Variants in TBC1D19 observed in about 807,000 individuals in gnomAD.
TBC1D19 encodes the protein TBC1 domain family, member 19.
TBC1D19 carries 60 observed loss-of-function variants against 89.0 expected under a neutral mutation model. That is an observed-to-expected ratio of 0.67 (90% CI 0.55 to 0.84). TBC1D19 has a LOEUF of 0.84. TBC1D19 is among the 40% of genes least tolerant of loss of function. TBC1D19 has a pLI of 0.00. For synonymous variants in TBC1D19, 189 were observed against 199.7 expected (o/e 0.95, Z 0.45); for missense variants, 500 against 610.8 (o/e 0.82, Z 1.91).
the TBC1D19 span, among the ~76,000 whole-genome samples, chr4:26,812,078 C>T: frequency 6.6e-6 from 1 of 152,240 alleles, no homozygotes; most frequent in South Asian, 2.1e-4. The surrounding 1 kb of genome is among the most constrained non-coding windows in gnomAD (Gnocchi z 4.2). Flanking sequence ...GCCCTGAGCA[C>T]AAATGTCCTG....
chr4:26,631,109 C>T (rs1265009494), intron 4 of TBC1D19, among the ~76,000 whole-genome samples: 1 of 152,046 alleles, frequency 6.6e-6, no homozygotes, highest in Non-Finnish European at 1.5e-5. Context: ...GACCTCTCCA[C>T]CTTGACATAG....
chr4:26,720,221 C>A, intron 15 of TBC1D19, 96 bp downstream of exon 15: 1 of 854,594 alleles, frequency 1.2e-6, no homozygotes, highest in Non-Finnish European at 1.8e-6. Flanking sequence ...AATGGATAAT[C>A]ATTTATTATC....
the TBC1D19 span, among the ~76,000 whole-genome samples, chr4:26,837,220 A>G: frequency 1.3e-5 from 2 of 152,220 alleles, no homozygotes; most frequent in African/African-American, 4.8e-5. Context: ...CTGGGTGGAA[A>G]AGTTTGTACT....
rs146506259 is a variant in TBC1D19 at position 26,692,052 on chromosome 4, G to A, written c.954+3645G>A. 8.8e-3 allele frequency among the ~76,000 whole-genome samples: 1,344 copies of A among 152,140 alleles called. 17 individuals carry two copies. The highest frequency in any genetic ancestry group is 0.03 in the African/African-American group (1,239 of 41,496). ...TATTTGAGAAAAGCTACTAAATCTC[G>A]GTAAAAATAATTTGTGGCCCTTGAG... On this transcript the variant is annotated intron_variant, in intron 13 of 20. Coordinates refer to ENST00000264866, the MANE Select transcript of TBC1D19 (RefSeq NM_018317.4).
intron 14 of TBC1D19, among the ~76,000 whole-genome samples, chr4:26,719,155 C>T (rs1368438320): frequency 6.6e-6 from 1 of 152,070 alleles, no homozygotes; most frequent in Non-Finnish European, 1.5e-5. Context: ...CTATAAACCA[C>T]ATGGTTGAGA....
chr4:26,782,739 T>G, the TBC1D19 span, among the ~76,000 whole-genome samples: 1 of 151,116 alleles, frequency 6.6e-6, no homozygotes. Flanking sequence ...AACATTGACT[T>G]TTTTTTTAAT....
At chr4:26,757,562 G>A (rs2109342641), downstream of TBC1D19, among the ~76,000 whole-genome samples, 1 of 152,312 alleles carries the variant, frequency 6.6e-6, no homozygotes, top group Non-Finnish European at 1.5e-5. Context: ...TAGTATAGAA[G>A]AGTTTATTGA....
chr4:26,741,542 A>G (rs1398307841), intron 17 of TBC1D19, among the ~76,000 whole-genome samples: 1 of 151,592 alleles, frequency 6.6e-6, no homozygotes, highest in Non-Finnish European at 1.5e-5. Flanking sequence ...GCACTGGGCA[A>G]CTCTGGGTAT....
chr4:26,590,262 T>A (rs1177243355), intron 1 of TBC1D19, among the ~76,000 whole-genome samples: 1 of 152,192 alleles, frequency 6.6e-6, no homozygotes, highest in Admixed American at 6.5e-5. Flanking sequence ...AATGTATGAT[T>A]TTTGAATATT....
the TBC1D19 span, among the ~76,000 whole-genome samples, chr4:26,790,070 C>A: frequency 6.6e-6 from 1 of 152,176 alleles, no homozygotes; most frequent in Admixed American, 6.6e-5. Context: ...TGAGAAATTT[C>A]TTAATGAGTA....
At chr4:26,826,757 G>A in the TBC1D19 span, among the ~76,000 whole-genome samples, 1 of 152,234 alleles carries the variant, frequency 6.6e-6, no homozygotes, top group Non-Finnish European at 1.5e-5. Flanking sequence ...TTAACTTCAT[G>A]AGGGTTACTG....
chr4:26,683,358 A>T (rs2109141709), intron 11 of TBC1D19, among the ~76,000 whole-genome samples: 1 of 152,322 alleles, frequency 6.6e-6, no homozygotes, highest in Non-Finnish European at 1.5e-5. Flanking sequence ...TAAATGAGTT[A>T]ACTCTTGTAA....
intron 7 of TBC1D19, among the ~76,000 whole-genome samples, chr4:26,641,372 T>C (rs1177999798): frequency 6.6e-6 from 1 of 152,158 alleles, no homozygotes; most frequent in Non-Finnish European, 1.5e-5. Flanking sequence ...CAGAAAGGAA[T>C]AGCATCAACA....
intron 6 of TBC1D19, among the ~76,000 whole-genome samples, chr4:26,639,514 A>G (rs1165124610): frequency 6.6e-6 from 1 of 152,186 alleles, no homozygotes; most frequent in Non-Finnish European, 1.5e-5. Context: ...AGTGAAAAAT[A>G]CGTTTGAAGA....
At chr4:26,753,164 A>C (rs1431934330) in intron 19 of TBC1D19, among the ~76,000 whole-genome samples, 1 of 152,236 alleles carries the variant, frequency 6.6e-6, no homozygotes, top group Non-Finnish European at 1.5e-5. Context: ...ATAACAAAAA[A>C]TTATAAAAAT....
intron 4 of TBC1D19, among the ~76,000 whole-genome samples, chr4:26,625,220 C>T (rs1247361756): frequency 1.3e-5 from 2 of 152,092 alleles, no homozygotes; most frequent in African/African-American, 4.8e-5. Context: ...GCTTCTTATT[C>T]TGTATCAGCA....
chr4:26,577,086 T>G (rs1172004266), intron 1 of TBC1D19, among the ~76,000 whole-genome samples: 1 of 152,166 alleles, frequency 6.6e-6, no homozygotes, highest in Non-Finnish European at 1.5e-5. Context: ...AAGAAGGAAT[T>G]CTTCCTTAAA....
chr4:26,662,165 C>G (rs1011923249), intron 8 of TBC1D19, among the ~76,000 whole-genome samples: 2 of 152,120 alleles, frequency 1.3e-5, no homozygotes, highest in African/African-American at 4.8e-5. Context: ...AGAAGGTAAA[C>G]CCAATGTCAT....
chr4:26,758,936 T>C (rs139306136), downstream of TBC1D19, among the ~76,000 whole-genome samples: 10 of 152,346 alleles, frequency 6.6e-5, no homozygotes, highest in East Asian at 1.9e-3. Flanking sequence ...CAAGGATAAA[T>C]TGTATATTTC....
Sources: gnomAD v4.1 joint callset for allele counts (sites outside exome capture counted in the v4.1 genomes callset) on GRCh38, gnomAD v4.1.1 for gene constraint, Gnocchi (gnomAD v3.1) non-coding constraint, MANE v1.5 for transcripts, NCBI Gene and HGNC (gene_info 2026-07-23, HGNC 2026-07-21) for gene names.